KCNH8: variants seen among roughly 807,000 people sequenced by gnomAD.
KCNH8 encodes voltage-gated delayed rectifier potassium channel KCNH8.
In KCNH8, 70 loss-of-function variants were observed where a neutral mutation model predicts 103.6. The observed-to-expected ratio is 0.68, with a 90% CI of 0.56 to 0.82. The LOEUF is 0.82. Among genes scored for constraint, KCNH8 ranks in the 40% least tolerant of loss-of-function variants. The probability of loss-of-function intolerance (pLI) is 0.00; values close to 1 mark genes in which losing one functional copy is unlikely to be tolerated. For missense variants in KCNH8, 1,217 were observed against 1,329.9 expected (o/e 0.92, Z 1.32); for synonymous variants, 498 against 489.4 (o/e 1.02, Z -0.23).
chr3:19,321,260 C>T (rs1157823105), intron 3 of KCNH8, among the ~76,000 whole-genome samples: 4 of 151,622 alleles, frequency 2.6e-5, no homozygotes, highest in Non-Finnish European at 5.9e-5. Context: ...TCTAGTTCTC[C>T]GAGGTGCGAC....
At chr3:19,230,449 A>G (rs1055798700) in intron 1 of KCNH8, among the ~76,000 whole-genome samples, 13 of 152,218 alleles carry the variant, frequency 8.5e-5, no homozygotes, top group African/African-American at 3.1e-4. Context: ...AGACTCTTTC[A>G]TCTTACTCAG....
chr3:19,525,168 A>T (rs924317089), intron 15 of KCNH8, among the ~76,000 whole-genome samples: 1 of 151,974 alleles, frequency 6.6e-6, no homozygotes, highest in Non-Finnish European at 1.5e-5. Context: ...ATATCAAAAC[A>T]TCAAGTAATA....
intron 1 of KCNH8, among the ~76,000 whole-genome samples, chr3:19,164,714 AGAC>A (rs1559404072): frequency 6.6e-6 from 1 of 152,252 alleles, no homozygotes; most frequent in Non-Finnish European, 1.5e-5. Context: ...CTTTTTAAGA[AGAC>A]ATTATCTGGG....
chr3:19,362,332 A>G lies in KCNH8; in HGVS notation c.811+14367A>G, dbSNP rs150944769. The stretch of plus-strand genomic sequence containing the variant: ...TGTGAGGATGTGACAAGACAGGGGA[A>G]GTAAATTGTGGGGCAGTGACTAGGA... On this transcript the variant is annotated intron_variant, in intron 5 of 15. Transcript: ENST00000328405. 3.3e-5 allele frequency among the ~76,000 whole-genome samples: 5 copies of G among 152,244 alleles called. No homozygotes were observed. In the East Asian group the frequency reaches 9.7e-4, roughly 29 times the overall value.
At chr3:19,330,805 CATAACTT>C (rs1331196441) in intron 3 of KCNH8, among the ~76,000 whole-genome samples, 1 of 152,142 alleles carries the variant, frequency 6.6e-6, no homozygotes, top group East Asian at 1.9e-4. Context: ...CTCATTTCCT[CATAACTT>C]ATTTAAATTT....
intron 11 of KCNH8, among the ~76,000 whole-genome samples, chr3:19,500,251 A>G (rs1321611105): frequency 6.6e-6 from 1 of 152,200 alleles, no homozygotes; most frequent in Non-Finnish European, 1.5e-5. Context: ...CTAAATATAT[A>G]TGCACCCAAT....
intron 1 of KCNH8, among the ~76,000 whole-genome samples, chr3:19,186,231 A>G (rs1451469048): frequency 6.6e-6 from 1 of 151,552 alleles, no homozygotes; most frequent in Non-Finnish European, 1.5e-5. Flanking sequence ...CACAATTCAC[A>G]GGAGTGTATT....
chr3:19,501,734 G>A (rs2068587382), intron 11 of KCNH8, among the ~76,000 whole-genome samples: 1 of 152,164 alleles, frequency 6.6e-6, no homozygotes. Context: ...CAACCTTCAT[G>A]CTAAAAACTC....
chr3:19,338,722 A>G (rs1470492066), intron 3 of KCNH8, among the ~76,000 whole-genome samples: 1 of 152,066 alleles, frequency 6.6e-6, no homozygotes, highest in Non-Finnish European at 1.5e-5. Flanking sequence ...TTAGTTTTAC[A>G]TGTCTGTGAA....
intron 5 of KCNH8, among the ~76,000 whole-genome samples, chr3:19,373,595 T>G (rs887465697): frequency 1.2e-4 from 18 of 152,122 alleles, no homozygotes; most frequent in Non-Finnish European, 2.1e-4. Flanking sequence ...GGGTTTTTTG[T>G]GTCTCTATTT....
At chr3:19,356,458 C>T (rs993930275) in intron 5 of KCNH8, among the ~76,000 whole-genome samples, 4 of 151,934 alleles carry the variant, frequency 2.6e-5, no homozygotes, top group African/African-American at 4.8e-5. Context: ...AATGGTGAAT[C>T]TCTACTAGGC....
Position 19,295,457 on chromosome 3 carries a change from A to G in KCNH8, c.442+14128A>G, listed in dbSNP as rs554926712. On this transcript the variant is annotated intron_variant, in intron 3 of 15. Transcript: ENST00000328405. ...GCTGAGAGCTAAAACAGCCAGAGCC[A>G]TATAACTTGACCGCCTGTATGGATA... is the stretch of plus-strand genomic sequence containing the variant. 1.4e-4 allele frequency among the ~76,000 whole-genome samples: 22 copies of G among 152,304 alleles called. No homozygotes were observed. In the South Asian group the frequency reaches 3.3e-3, roughly 23 times the overall value.
At chr3:19,215,974 G>A (rs1369411939) in intron 1 of KCNH8, among the ~76,000 whole-genome samples, 4 of 152,302 alleles carry the variant, frequency 2.6e-5, no homozygotes, top group African/African-American at 9.6e-5. Flanking sequence ...GCCTTTGAAG[G>A]CAGCTGGATC....
chr3:19,256,459 G>A (rs920917180), intron 2 of KCNH8, among the ~76,000 whole-genome samples: 2 of 152,102 alleles, frequency 1.3e-5, no homozygotes, highest in African/African-American at 4.8e-5. Flanking sequence ...AAAAGAAAAT[G>A]CAGGATGTTG....
At position 19,288,181 on chromosome 3, in the gene KCNH8, C is replaced by CTTTT. The variant is rs767659898; in HGVS notation, c.442+6879_442+6882dup. On this transcript the variant is annotated intron_variant, in intron 3 of 15. Coordinates refer to ENST00000328405, the MANE Select transcript of KCNH8 (RefSeq NM_144633.3). ...CTTCTTGCACCGGTGTATCAAACTTCTTTTTTTTTTTTTTTTTTTTTTTTT... is the reference window on the plus strand; with the variant it reads ...CTTCTTGCACCGGTGTATCAAACTTCTTTTTTTTTTTTTTTTTTTTTTTTTTTTT... Among the ~76,000 whole-genome samples, 111 of 38,154 alleles carry CTTTT rather than the reference C, an allele frequency of 2.9e-3. 4 individuals are homozygous for CTTTT. The highest frequency in any genetic ancestry group is 9.1e-3 in the East Asian group (8 of 876). The allele number at this position is 38,154 out of a possible 152,430, so 25.0% of individuals were successfully genotyped here.
intron 7 of KCNH8, among the ~76,000 whole-genome samples, chr3:19,399,112 A>C (rs920329119): frequency 6.6e-6 from 1 of 151,966 alleles, no homozygotes; most frequent in Non-Finnish European, 1.5e-5. Context: ...CCTTGTTAGG[A>C]TATATCAAAT....
At chr3:19,394,796 G>GTT (rs764254037) in intron 6 of KCNH8, among the ~76,000 whole-genome samples, 1 of 151,886 alleles carries the variant, frequency 6.6e-6, no homozygotes, top group Non-Finnish European at 1.5e-5. Context: ...ACCATAATGT[G>GTT]TTTCAGTTGT....
intron 2 of KCNH8, among the ~76,000 whole-genome samples, chr3:19,272,633 G>GAAGC (rs2064605256): frequency 6.6e-6 from 1 of 152,062 alleles, no homozygotes; most frequent in Non-Finnish European, 1.5e-5. Context: ...TCTTCTCATA[G>GAAGC]TTTGCTTCTA....
chr3:19,359,300 G>T (rs923202543), intron 5 of KCNH8, among the ~76,000 whole-genome samples: 7 of 151,624 alleles, frequency 4.6e-5, no homozygotes, highest in African/African-American at 1.7e-4. Context: ...GTTAATAAAA[G>T]AAACTATTAA....
Sources: allele counts gnomAD v4.1 joint callset (sites outside exome capture counted in the v4.1 genomes callset), GRCh38; gene constraint gnomAD v4.1.1; transcripts MANE v1.5; gene names NCBI Gene and HGNC (gene_info 2026-07-23, HGNC 2026-07-21).